RHBDD1: variants seen among roughly 807,000 people sequenced by gnomAD.
RHBDD1 encodes the protein rhomboid domain containing 1, also known as rhomboid-related protein 4.
RHBDD1 carries 38 observed loss-of-function variants against 36.3 expected under a neutral mutation model. The observed-to-expected ratio is 1.05, with a 90% CI of 0.81 to 1.37. RHBDD1 has a LOEUF of 1.37. RHBDD1 is among the 40% of genes most tolerant of loss of function. The probability of loss-of-function intolerance (pLI) is 0.00; values close to 1 mark genes in which losing one functional copy is unlikely to be tolerated. For synonymous variants in RHBDD1, 151 were observed against 136.5 expected (o/e 1.11, Z -0.74); for missense variants, 393 against 377.6 (o/e 1.04, Z -0.34).
At chr2:226,898,983 T>G (rs1559246548) in intron 5 of RHBDD1, among the ~76,000 whole-genome samples, 1 of 152,298 alleles carries the variant, frequency 6.6e-6, no homozygotes, top group East Asian at 1.9e-4. Flanking sequence ...TGTCTTAGAG[T>G]ATTACATTTT....
the RHBDD1 span, among the ~76,000 whole-genome samples, chr2:226,802,292 C>T: frequency 6.6e-6 from 1 of 152,172 alleles, no homozygotes; most frequent in Non-Finnish European, 1.5e-5. Flanking sequence ...ACTGCTGTGA[C>T]AAATTATGTT....
At chr2:226,917,978 C>T (rs185750835) in intron 8 of RHBDD1, among the ~76,000 whole-genome samples, 255 of 151,842 alleles carry the variant, frequency 1.7e-3, no homozygotes, top group African/African-American at 6.0e-3. Flanking sequence ...GAAGATAGAC[C>T]ATTGAAAACT....
chr2:226,862,052 T>C (rs1339517575), intron 3 of RHBDD1, among the ~76,000 whole-genome samples: 1 of 152,212 alleles, frequency 6.6e-6, no homozygotes, highest in Non-Finnish European at 1.5e-5. Flanking sequence ...ACATGCATAA[T>C]TTTTTTCTGA....
chr2:226,802,526 G>C, the RHBDD1 span, among the ~76,000 whole-genome samples: 1 of 152,204 alleles, frequency 6.6e-6, no homozygotes, highest in Non-Finnish European at 1.5e-5. Context: ...AGACGCGTTT[G>C]TGGGAACTCA....
the RHBDD1 span, among the ~76,000 whole-genome samples, chr2:226,827,726 T>C: frequency 1.3e-5 from 2 of 152,238 alleles, no homozygotes; most frequent in African/African-American, 4.8e-5. Context: ...GCTGTTTCTA[T>C]CTGGTTTCAT....
At chr2:226,964,014 T>G (rs1952428760) in intron 8 of RHBDD1, among the ~76,000 whole-genome samples, 1 of 152,106 alleles carries the variant, frequency 6.6e-6, no homozygotes, top group South Asian at 2.1e-4. Context: ...TGTCATTGAG[T>G]ATCCCCTTTT....
chr2:226,887,262 G>A, intron 5 of RHBDD1, among the ~76,000 whole-genome samples: 1 of 152,110 alleles, frequency 6.6e-6, no homozygotes, highest in East Asian at 1.9e-4. Flanking sequence ...GATCCAGTCA[G>A]TATTTATAAT....
chr2:226,831,784 C>G (rs1940746546), upstream of RHBDD1, among the ~76,000 whole-genome samples: 1 of 151,198 alleles, frequency 6.6e-6, no homozygotes, highest in Non-Finnish European at 1.5e-5. Context: ...CAATTTGTGT[C>G]TGTCTAGGAA....
At chr2:226,977,762 G>A (rs1206317423) in intron 8 of RHBDD1, among the ~76,000 whole-genome samples, 4 of 152,164 alleles carry the variant, frequency 2.6e-5, no homozygotes, top group Admixed American at 6.5e-5. Context: ...AATCTTTTGA[G>A]GTTTAGCAGC....
chr2:226,995,585 AG>A lies in RHBDD1; in HGVS notation c.*64del. Reference sequence around the variant, plus strand: ...TATTGCCCATTTGGCTCATTCCCCAAGCCCCTAATTCATTTTAATTCATTTT... The same window carrying A: ...TATTGCCCATTTGGCTCATTCCCCAACCCCTAATTCATTTTAATTCATTTT... On this transcript the variant is annotated 3_prime_UTR_variant, in exon 9 of 9. Coordinates refer to ENST00000392062, the MANE Select transcript of RHBDD1 (RefSeq NM_001167608.3). The A allele has an allele frequency of 4.5e-6, 5 of 1,105,874 alleles. No homozygotes were observed. The South Asian group carries it at 5.2e-5, about 12-fold the overall frequency. 68.5% of individuals were successfully genotyped at this position (1,105,874 alleles called of 1,614,324 possible).
intron 8 of RHBDD1, among the ~76,000 whole-genome samples, chr2:226,927,586 C>T (rs980522763): frequency 6.6e-6 from 1 of 151,962 alleles, no homozygotes; most frequent in Non-Finnish European, 1.5e-5. Context: ...AGTTTTCGTT[C>T]CTGCCGGCAG....
At chr2:226,928,013 A>C (rs10167086) in intron 8 of RHBDD1, among the ~76,000 whole-genome samples, 1 of 151,820 alleles carries the variant, frequency 6.6e-6, no homozygotes, top group Non-Finnish European at 1.5e-5. Context: ...GAATCTTTTG[A>C]TGTAACCCAA....
chr2:226,863,711 A>G (rs1944064356), intron 3 of RHBDD1, among the ~76,000 whole-genome samples: 1 of 152,186 alleles, frequency 6.6e-6, no homozygotes, highest in African/African-American at 2.4e-5. Flanking sequence ...CAAGAGAGAG[A>G]AGCCTATAAA....
intron 3 of RHBDD1, among the ~76,000 whole-genome samples, chr2:226,842,120 C>T (rs1011360540): frequency 1.3e-5 from 2 of 152,096 alleles, no homozygotes; most frequent in African/African-American, 4.8e-5. Flanking sequence ...TGTTCATGTC[C>T]TTTGCCCACT....
At chr2:226,948,695 G>A (rs1234411396) in intron 8 of RHBDD1, among the ~76,000 whole-genome samples, 1 of 151,766 alleles carries the variant, frequency 6.6e-6, no homozygotes. Flanking sequence ...CATACTTAAT[G>A]GGCAAAAGCT....
Position 226,970,947 on chromosome 2 carries a change from G to C in RHBDD1, c.857-24484G>C, listed in dbSNP as rs569858042. ...TCATTTCAAGTGTATTAAAACATAC[G>C]CAATCTCCTATCTGTCCCACAGATC... On this transcript the variant is annotated intron_variant, in intron 8 of 8. Transcript: ENST00000392062. Among the ~76,000 whole-genome samples, 6 of 152,204 alleles carry C rather than the reference G, an allele frequency of 3.9e-5. No homozygotes were observed. In the South Asian group the frequency reaches 1.2e-3, roughly 32 times the overall value.
intron 8 of RHBDD1, among the ~76,000 whole-genome samples, chr2:226,967,636 G>A (rs938671770): frequency 7.4e-5 from 11 of 148,340 alleles, no homozygotes; most frequent in African/African-American, 2.5e-4. Context: ...TCTACAACTC[G>A]TTGTAGAAGT....
chr2:226,968,911 A>G (rs1952912067), intron 8 of RHBDD1: 1 of 151,750 alleles, frequency 6.6e-6, no homozygotes, highest in Non-Finnish European at 1.5e-5. Flanking sequence ...GGATGGAAGA[A>G]GATGATATTT....
intron 5 of RHBDD1, among the ~76,000 whole-genome samples, chr2:226,905,539 C>T (rs139702438): frequency 5.9e-5 from 9 of 152,218 alleles, no homozygotes; most frequent in Admixed American, 6.5e-5. Context: ...AAACACACAC[C>T]GGAGTATTCT....
Sources: gnomAD v4.1 joint callset for allele counts (sites outside exome capture counted in the v4.1 genomes callset) on GRCh38, gnomAD v4.1.1 for gene constraint, MANE v1.5 for transcripts, NCBI Gene and HGNC (gene_info 2026-07-23, HGNC 2026-07-21) for gene names.